RIF1: variants seen among roughly 807,000 people sequenced by gnomAD.
The protein encoded by RIF1 is telomere-associated protein RIF1.
Under a neutral mutation model 247.1 loss-of-function variants are expected in RIF1, and 45 were observed. That is an observed-to-expected ratio of 0.18 (90% CI 0.14 to 0.23). RIF1 has a LOEUF of 0.23. Ranked by LOEUF, RIF1 falls within the 10% of genes least tolerant of loss-of-function variation. RIF1 has a pLI of 1.00. For synonymous variants in RIF1, 1,087 were observed against 978.8 expected (o/e 1.11, Z -2.06); for missense variants, 2,967 against 2,862.5 (o/e 1.04, Z -0.83).
chr2:151,516,433 T>A, the RIF1 span: 9 of 1,466,664 alleles, frequency 6.1e-6, no homozygotes, highest in Admixed American at 6.8e-5. Context: ...GGATCATTGT[T>A]GTGTGGTGTG....
intron 26 of RIF1, 94 bp downstream of exon 26, chr2:151,460,213 C>T: frequency 9.8e-7 from 1 of 1,020,844 alleles, no homozygotes; most frequent in South Asian, 1.9e-5. Flanking sequence ...CTATAAAAGA[C>T]TAAATAAAGG....
At chr2:151,454,861 TTGAG>T (rs1694937416) in intron 21 of RIF1, 30 bp from the exon 22 acceptor site, 3 of 1,506,280 alleles carry the variant, frequency 2.0e-6, no homozygotes, top group Non-Finnish European at 2.7e-6. Context: ...TTCAATTTAT[TTGAG>T]TTTTTAATTA....
intron 23 of RIF1, among the ~76,000 whole-genome samples, chr2:151,457,545 T>C (rs1463762630): frequency 1.3e-5 from 2 of 152,106 alleles, no homozygotes; most frequent in South Asian, 4.1e-4. Context: ...ATAATTTCTT[T>C]TGTTAATAGA....
At chr2:151,470,553 CA>C (rs561040015) in intron 34 of RIF1, among the ~76,000 whole-genome samples, 10 of 152,216 alleles carry the variant, frequency 6.6e-5, no homozygotes, top group African/African-American at 2.4e-4. Flanking sequence ...TGTCAGTGCT[CA>C]AAAAGCTTCA....
intron 9 of RIF1, chr2:151,492,308 A>C: frequency 6.2e-7 from 1 of 1,604,174 alleles, no homozygotes; most frequent in Non-Finnish European, 8.5e-7. Context: ...TTGCTTTATG[A>C]AAATATGATG....
chr2:151,433,212 C>A lies in RIF1; in HGVS notation c.1061C>A (p.Pro354His). The A allele has an allele frequency of 6.2e-7, 1 of 1,612,338 alleles. No homozygotes were observed. The highest frequency in any genetic ancestry group is 1.1e-5 in the South Asian group (1 of 90,986). ...CTGATGAGACTTGGACCTCATCTTC[C>A]TGCTAATTTTGAACAGGTAACATTA... The part of the protein sequence containing the change: ...YLLMRLGPHL[P>H]ANFEQVCVPL... Residue 354 changes from proline to histidine, a missense_variant, in exon 10 of 36, where the codon CCT (proline) becomes CAT (histidine). Pro to His is a moderately conservative substitution (Grantham distance 77, BLOSUM62 -2). Around this residue, in one of 7 missense-constraint regions of RIF1, gnomAD observed 71 missense variants for 132.9 expected, o/e 0.53. Coordinates refer to ENST00000444746, the MANE Select transcript of RIF1 (RefSeq NM_018151.5).
At chr2:151,526,144 C>T in the RIF1 span, 62 of 1,612,712 alleles carry the variant, frequency 3.8e-5, no homozygotes, top group Middle Eastern at 9.9e-4. Context: ...AACTCATGGG[C>T]GGCTGGGGGT....
At chr2:151,428,994 C>G in intron 9 of RIF1, 72 bp downstream of exon 9, 1 of 1,029,202 alleles carries the variant, frequency 9.7e-7, no homozygotes, top group African/African-American at 1.6e-5. Flanking sequence ...TGAAGTTTTT[C>G]TGGTTTTTTG....
intron 10 of RIF1, chr2:151,497,854 T>G: frequency 6.6e-7 from 1 of 1,514,098 alleles, no homozygotes; most frequent in Non-Finnish European, 8.8e-7. Context: ...CCGACTACTT[T>G]AGTGGAAGCT....
rs1184051636 is a variant in RIF1, at chr2:151,478,167, A to T, written c.*3096A>T. The T allele has an allele frequency of 6.6e-6, 1 of 152,238 alleles. No homozygotes were observed. Among genetic ancestry groups the T allele is most frequent in the Admixed American group, 6.5e-5 (1 of 15,288 alleles). The allele number at this position is 152,238 out of a possible 1,614,324, so 9.4% of individuals were successfully genotyped here. On this transcript the variant is annotated 3_prime_UTR_variant, in exon 36 of 36. Coordinates refer to ENST00000444746, the MANE Select transcript of RIF1 (RefSeq NM_018151.5). ...CTTTACTCTAATTCCAAATAGTTAA[A>T]GGATGAATCAGGTTAAATAATGCTG...
downstream of RIF1, chr2:151,512,799 A>C (rs1479964006): frequency 3.7e-6 from 6 of 1,613,668 alleles, no homozygotes; most frequent in Non-Finnish European, 5.1e-6. Flanking sequence ...CAGAAGTGAA[A>C]TTGGCTTTCT....
rs1574024328 is a variant in RIF1 at position 151,443,810 on chromosome 2, T to C, written c.1986+101T>C. 4.4e-6 allele frequency: 3 copies of C among 680,500 alleles called. No individual in the cohort carries two copies. In the East Asian group the frequency reaches 9.1e-5, roughly 21 times the overall value. The allele number at this position is 680,500 out of a possible 1,614,324, so 42.2% of individuals were successfully genotyped here. Reference sequence around the variant, plus strand: ...AAGTTTGAATTTGAATAGAAGATGGTAAATATTTTTTCTGGTGGAATTGGT... The same window carrying C: ...AAGTTTGAATTTGAATAGAAGATGGCAAATATTTTTTCTGGTGGAATTGGT... On this transcript the variant is annotated intron_variant, in intron 18 of 35. Coordinates refer to ENST00000444746, the MANE Select transcript of RIF1 (RefSeq NM_018151.5).
At chr2:151,430,136 T>A (rs1238041987) in intron 9 of RIF1, among the ~76,000 whole-genome samples, 1 of 151,790 alleles carries the variant, frequency 6.6e-6, no homozygotes, top group East Asian at 1.9e-4. Flanking sequence ...TTCTTCTGCC[T>A]CAGCCTCCCG....
chr2:151,434,437 A>ATTTTTTTT (rs754795986), intron 10 of RIF1, among the ~76,000 whole-genome samples: 17 of 107,020 alleles, frequency 1.6e-4, no homozygotes, highest in East Asian at 2.9e-4. Context: ...TGGTTTTTGA[A>ATTTTTTTT]TTTTTTTTTT....
chr2:151,474,458 C>T (rs529050165), intron 35 of RIF1, among the ~76,000 whole-genome samples: 7 of 152,290 alleles, frequency 4.6e-5, no homozygotes, highest in South Asian at 4.1e-4. Flanking sequence ...GTGGGTGGAT[C>T]GCTTGAGGTC....
chr2:151,492,406 G>T, intron 9 of RIF1: 1 of 1,606,142 alleles, frequency 6.2e-7, no homozygotes, highest in East Asian at 2.2e-5. Flanking sequence ...GTGCCGTTGG[G>T]TCTCCCTCAC....
chr2:151,473,757 CTCTT>C (rs1433794121), intron 34 of RIF1, among the ~76,000 whole-genome samples: 15 of 152,254 alleles, frequency 9.9e-5, no homozygotes, highest in African/African-American at 3.1e-4. Context: ...TTCTAACCCT[CTCTT>C]TGAGGAAATA....
chr2:151,449,978 A>G (rs1694003732), intron 20 of RIF1, among the ~76,000 whole-genome samples: 1 of 151,434 alleles, frequency 6.6e-6, no homozygotes, highest in African/African-American at 2.4e-5. Context: ...AGTAGCTGGG[A>G]TTAAAGGCGT....
At chr2:151,456,696 A>T (rs1480934938) in intron 23 of RIF1, 76 bp downstream of exon 23, 1 of 860,890 alleles carries the variant, frequency 1.2e-6, no homozygotes, top group East Asian at 2.7e-5. Flanking sequence ...TTTCTTAAAC[A>T]TAATTCTGCT....
Sources: allele counts gnomAD v4.1 joint callset (sites outside exome capture counted in the v4.1 genomes callset), GRCh38; gene constraint gnomAD v4.1.1; regional missense constraint gnomAD v4.1.1; transcripts MANE v1.5; gene names NCBI Gene and HGNC (gene_info 2026-07-23, HGNC 2026-07-21).